Variants in RNF17 observed in about 807,000 individuals in gnomAD.
The protein encoded by RNF17 is ring finger protein 17.
A neutral mutation model predicts 200.5 loss-of-function variants in RNF17; 31 were observed. The observed-to-expected ratio is 0.15, with a 90% CI of 0.12 to 0.21. RNF17 has a LOEUF of 0.21. Among genes scored for constraint, RNF17 ranks in the 10% least tolerant of loss-of-function variants. The probability of loss-of-function intolerance (pLI) is 1.00; values close to 1 mark genes in which losing one functional copy is unlikely to be tolerated. For synonymous variants in RNF17, 606 were observed against 637.8 expected, an observed-to-expected ratio of 0.95 and a Z score of 0.75; for missense variants, 1,628 against 1,905.1, an observed-to-expected ratio of 0.85 and a Z score of 2.71.
At chr13:24,806,391 G>A (rs900750042) in intron 15 of RNF17, among the ~76,000 whole-genome samples, 1 of 152,166 alleles carries the variant, frequency 6.6e-6, no homozygotes, top group Non-Finnish European at 1.5e-5. Flanking sequence ...TAATGGGATT[G>A]CTGGGTCAAA....
At chr13:24,812,010 C>T (rs1162164146) in intron 15 of RNF17, among the ~76,000 whole-genome samples, 2 of 151,932 alleles carry the variant, frequency 1.3e-5, no homozygotes, top group Non-Finnish European at 2.9e-5. Context: ...CTCAGATCTC[C>T]AGCTGCGTGC....
At position 24,774,839 on chromosome 13, in the gene RNF17, A is replaced by T. The variant is rs201698876; in HGVS notation, c.252A>T (p.Gln84His). The change falls in exon 3 of 36, where the codon CAA becomes CAT. Residue 84 changes from glutamine (Q) to histidine (H), a missense_variant. This residue lies in a region of RNF17 where 502 missense variants were observed against 501.7 expected (regional missense o/e 1.00). Coordinates refer to ENST00000255324, the MANE Select transcript of RNF17 (RefSeq NM_031277.3). ...TTGCTACAGCTGTAAATACTAGACA[A>T]CGCTACTACCCAATGGCTGGATATA... ...CEVATAVNTR[Q>H]RYYPMAGYIK... The T allele has an allele frequency of 2.5e-6, 4 of 1,612,390 alleles. No individual in the cohort carries two copies. The highest frequency in any genetic ancestry group is 1.3e-5 in the African/African-American group (1 of 74,886).
At chr13:24,783,183 TG>T (rs1159075653) in intron 6 of RNF17, among the ~76,000 whole-genome samples, 5 of 152,208 alleles carry the variant, frequency 3.3e-5, no homozygotes, top group African/African-American at 4.8e-5. Context: ...TTGGCACCCT[TG>T]TCAAAAATGA....
In RNF17 at chr13:24,853,940, T is replaced by C. The variant is rs1410335587; in HGVS notation, c.3406T>C (p.Cys1136Arg). The C allele has an allele frequency of 1.9e-6, 3 of 1,613,898 alleles. No homozygotes were observed. In the South Asian group the frequency reaches 3.3e-5, roughly 18 times the overall value. Reference sequence around the variant, plus strand: ...ACAGGAAGATTCAGTAGTTACTAACTGTATTAAAACTAACTTTGACCCTGA... The same window carrying C: ...ACAGGAAGATTCAGTAGTTACTAACCGTATTAAAACTAACTTTGACCCTGA... The part of the protein sequence containing the change: ...LEQEDSVVTN[C>R]IKTNFDPDKK... The change falls in exon 25 of 36, where the codon TGT (cysteine) becomes CGT (arginine). Residue 1136 changes from cysteine (C) to arginine (R), a missense_variant. Cys to Arg is a radical substitution (Grantham distance 180). This residue lies in a region of RNF17 where 609 missense variants were observed against 681.9 expected (regional missense o/e 0.89). Coordinates refer to ENST00000255324, the MANE Select transcript of RNF17 (RefSeq NM_031277.3).
At chr13:24,879,115 T>A in intron 34 of RNF17, 72 bp from the exon 35 acceptor site, 2 of 1,126,090 alleles carry the variant, frequency 1.8e-6, no homozygotes, top group South Asian at 1.3e-5. Context: ...CCCGTGTGAA[T>A]GGCCAGATAT....
chr13:24,755,129 G>C, the RNF17 span, among the ~76,000 whole-genome samples: 1 of 152,040 alleles, frequency 6.6e-6, no homozygotes. Context: ...ATCTAAGCCA[G>C]TTACAGATTG....
intron 30 of RNF17, among the ~76,000 whole-genome samples, chr13:24,867,759 G>C (rs543829203): frequency 6.6e-6 from 1 of 152,174 alleles, no homozygotes; most frequent in Non-Finnish European, 1.5e-5. Context: ...GCTGGGTGCC[G>C]TGATCTTCCT....
intron 9 of RNF17, among the ~76,000 whole-genome samples, chr13:24,790,639 G>T (rs1406813200): frequency 6.6e-6 from 1 of 152,146 alleles, no homozygotes; most frequent in East Asian, 1.9e-4. Context: ...TAAAGAACAG[G>T]TGTTTATTTG....
chr13:24,780,801 G>C (rs1057398201), intron 5 of RNF17, among the ~76,000 whole-genome samples: 1 of 152,064 alleles, frequency 6.6e-6, no homozygotes, highest in African/African-American at 2.4e-5. Context: ...AGAATCGCTT[G>C]AACCCGGGAG....
chr13:24,781,934 T>C lies in RNF17; in HGVS notation c.601T>C (p.Phe201Leu), dbSNP rs143229678. Residue 201 changes from phenylalanine (F) to leucine (L), a missense_variant, in exon 6 of 36, where the codon TTT (phenylalanine) becomes CTT (leucine). By Grantham distance (22) the Phe-to-Leu change is conservative. This residue lies in a region of RNF17 where 502 missense variants were observed against 501.7 expected (regional missense o/e 1.00). Coordinates refer to ENST00000255324, the MANE Select transcript of RNF17 (RefSeq NM_031277.3). ...EKQFDQLLAFFDSRKKNLCEE... is the reference protein window; with the variant it reads ...EKQFDQLLAFLDSRKKNLCEE... ...ACAGTTTGACCAACTTTTGGCTTTTTTTGATTCCAGGTTAGTAACTTAAAA... is the reference window on the plus strand; with the variant it reads ...ACAGTTTGACCAACTTTTGGCTTTTCTTGATTCCAGGTTAGTAACTTAAAA... 5.7e-5 allele frequency: 91 copies of C among 1,604,516 alleles called. No homozygotes were observed. The highest frequency in any genetic ancestry group is 9.4e-5 in the African/African-American group (7 of 74,746).
chr13:24,838,523 A>AAT (rs1434983111), intron 18 of RNF17, among the ~76,000 whole-genome samples: 1 of 152,234 alleles, frequency 6.6e-6, no homozygotes, highest in African/African-American at 2.4e-5. Flanking sequence ...GGATGGATGT[A>AAT]ATATATGCAA....
rs767864684 is a variant in RNF17, at chr13:24,800,476, A to G, written c.1700A>G (p.Lys567Arg). ...GAACCATATACTGAAGGGCTGCTAA[A>G]AGACATCCAGCCATTAGCACAACCA... is the stretch of plus-strand genomic sequence containing the variant. Reference protein sequence around the residue: ...KSEPYTEGLLKDIQPLAQPCS... With the variant: ...KSEPYTEGLLRDIQPLAQPCS... The change falls in exon 13 of 36, where the codon AAA becomes AGA. Residue 567 changes from lysine to arginine, a missense_variant. This residue lies in a region of RNF17 where 289 missense variants were observed against 384.9 expected (regional missense o/e 0.75). Coordinates refer to ENST00000255324, the MANE Select transcript of RNF17 (RefSeq NM_031277.3). 5 of 1,613,630 alleles carry G rather than the reference A, an allele frequency of 3.1e-6. No individual in the cohort carries two copies. The South Asian group carries it at 5.5e-5, about 18-fold the overall frequency.
intron 34 of RNF17, 142 bp from the exon 35 acceptor site, chr13:24,879,045 A>G (rs1319172066): frequency 3.3e-6 from 2 of 608,082 alleles, no homozygotes; most frequent in Non-Finnish European, 5.8e-6. Flanking sequence ...ACCACTACAG[A>G]TGCCTTTTGG....
At chr13:24,782,215 G>C (rs563564486) in intron 6 of RNF17, among the ~76,000 whole-genome samples, 109 of 152,202 alleles carry the variant, frequency 7.2e-4, no homozygotes, top group South Asian at 1.5e-3. Context: ...TTGCTCTGTT[G>C]CCCAGGCTGG....
chr13:24,831,594 A>G (rs1034465343), intron 17 of RNF17, among the ~76,000 whole-genome samples: 1 of 152,226 alleles, frequency 6.6e-6, no homozygotes, highest in Non-Finnish European at 1.5e-5. Flanking sequence ...ACAAGTAATT[A>G]ATGTATCATA....
intron 15 of RNF17, among the ~76,000 whole-genome samples, chr13:24,822,151 C>G (rs1160980841): frequency 6.6e-6 from 1 of 152,102 alleles, no homozygotes; most frequent in Non-Finnish European, 1.5e-5. Context: ...GCCACCCCAC[C>G]CTAATCTTAT....
Position 24,843,751 on chromosome 13 carries a change from C to T in RNF17, c.2611C>T (p.Leu871Phe), listed in dbSNP as rs1890944469. The change falls in exon 20 of 36, where the codon CTC becomes TTC. Residue 871 changes from leucine (L) to phenylalanine (F), a missense_variant. Physicochemically the swap from Leu to Phe is conservative, Grantham distance 22. Transcript: ENST00000255324. The stretch of plus-strand genomic sequence containing the variant: ...ACTTTTGTTGTTTTTCAGATACATC[C>T]TCAAAGATAATTCTCAAAAGCATAT... ...GLASYEIGYI[L>F]KDNSQKHIEV... 1.3e-6 allele frequency: 2 copies of T among 1,578,688 alleles called. No homozygotes were observed. Among genetic ancestry groups the T allele is most frequent in the Non-Finnish European group, 1.7e-6 (2 of 1,153,158 alleles).
At chr13:24,798,155 A>T (rs74042511) in intron 11 of RNF17, among the ~76,000 whole-genome samples, 1 of 152,086 alleles carries the variant, frequency 6.6e-6, no homozygotes, top group African/African-American at 2.4e-5. Context: ...TCAGTATTTA[A>T]TATTAGAAGT....
intron 25 of RNF17, among the ~76,000 whole-genome samples, chr13:24,855,670 A>C (rs1005563899): frequency 1.3e-5 from 2 of 152,052 alleles, no homozygotes; most frequent in Admixed American, 6.6e-5. Context: ...AGGTAATGTC[A>C]AATTGTTTTT....
Sources: allele counts gnomAD v4.1 joint callset (sites outside exome capture counted in the v4.1 genomes callset), GRCh38; gene constraint gnomAD v4.1.1; regional missense constraint gnomAD v4.1.1; transcripts MANE v1.5; gene names NCBI Gene and HGNC (gene_info 2026-07-23, HGNC 2026-07-21).